The following SLA variants were observed in gnomAD, a reference collection of about 807,000 sequenced individuals.
SLA encodes Src like adaptor, also known as src-like-adapter.
SLA carries 16 observed loss-of-function variants against 30.3 expected under a neutral mutation model. That is an observed-to-expected ratio of 0.53 (90% CI 0.36 to 0.80). SLA has a LOEUF of 0.80. SLA is among the 30% of genes least tolerant of loss of function. SLA has a pLI of 0.01. For synonymous variants in SLA, 143 were observed against 137.8 expected (o/e 1.04, Z -0.26); for missense variants, 310 against 345.2 (o/e 0.90, Z 0.81).
intron 7 of SLA, among the ~76,000 whole-genome samples, chr8:133,043,753 C>A (rs974555938): frequency 4.6e-5 from 7 of 152,228 alleles, no homozygotes; most frequent in Admixed American, 4.6e-4. Context: ...GGACCCATTT[C>A]TCCTTGAAAT....
At chr8:133,039,965 A>ACG (rs1837881052) in intron 8 of SLA, 33 bp downstream of exon 8, 1 of 1,528,916 alleles carries the variant, frequency 6.5e-7, no homozygotes, top group African/African-American at 1.4e-5. Flanking sequence ...ACACACACAC[A>ACG]CACACACACA....
chr8:133,041,972 A>G (rs1339532528), intron 7 of SLA, among the ~76,000 whole-genome samples: 3 of 151,792 alleles, frequency 2.0e-5, no homozygotes, highest in Admixed American at 2.0e-4. Flanking sequence ...TATTTTTAGT[A>G]GAGATGGAGT....
At chr8:133,040,171 C>T (rs144895047) in intron 7 of SLA, 41 bp from the exon 8 acceptor site, 125 of 1,560,306 alleles carry the variant, frequency 8.0e-5, no homozygotes, top group South Asian at 3.5e-4. Flanking sequence ...ACCCTGGGGA[C>T]GCCTCAGCCA....
chr8:133,057,969 T>C (rs1416119020), intron 3 of SLA, among the ~76,000 whole-genome samples: 2 of 152,186 alleles, frequency 1.3e-5, no homozygotes, highest in African/African-American at 4.8e-5. Flanking sequence ...GCACTGAAGC[T>C]AATGTGGGAG....
At chr8:133,096,037 C>T (rs959663288) in intron 1 of SLA, among the ~76,000 whole-genome samples, 1 of 152,186 alleles carries the variant, frequency 6.6e-6, no homozygotes, top group African/African-American at 2.4e-5. Context: ...CCCTCCAGCC[C>T]CTGACTTTGT....
intron 2 of SLA, among the ~76,000 whole-genome samples, chr8:133,061,900 C>A (rs957935867): frequency 6.6e-6 from 1 of 152,134 alleles, no homozygotes; most frequent in African/African-American, 2.4e-5. Context: ...AGGTGAGACT[C>A]CTACTATATT....
intron 1 of SLA, chr8:133,095,088 G>A: frequency 6.2e-7 from 1 of 1,614,140 alleles, no homozygotes. Context: ...GCCATGAGAG[G>A]GCTCAGCAGC....
chr8:133,056,994 GGAT>G, intron 3 of SLA, among the ~76,000 whole-genome samples: 1 of 152,182 alleles, frequency 6.6e-6, no homozygotes, highest in Non-Finnish European at 1.5e-5. Flanking sequence ...ACTTCCCAGG[GGAT>G]TCTGATGCAG....
chr8:133,051,748 T>C (rs1840451649), intron 3 of SLA, among the ~76,000 whole-genome samples: 2 of 152,328 alleles, frequency 1.3e-5, no homozygotes, highest in South Asian at 4.1e-4. Context: ...TTCAGATGCA[T>C]TAGATGCAGG....
At chr8:133,078,405 T>A (rs1165411850) in intron 1 of SLA, among the ~76,000 whole-genome samples, 1 of 152,090 alleles carries the variant, frequency 6.6e-6, no homozygotes, top group African/African-American at 2.4e-5. Context: ...GTATTGTGAG[T>A]TCGCTTCCAT....
At chr8:133,058,360 C>T (rs1444503071) in intron 3 of SLA, among the ~76,000 whole-genome samples, 1 of 152,200 alleles carries the variant, frequency 6.6e-6, no homozygotes, top group Non-Finnish European at 1.5e-5. Context: ...AGACCCCTCT[C>T]TCTATGTCTG....
chr8:133,096,483 G>A, intron 1 of SLA: 1 of 1,312,354 alleles, frequency 7.6e-7, no homozygotes, highest in East Asian at 2.3e-5. Flanking sequence ...AGTAACTACT[G>A]TGTGCAATGC....
chr8:133,063,143 A>C (rs1285684226), intron 2 of SLA, among the ~76,000 whole-genome samples: 1 of 151,174 alleles, frequency 6.6e-6, no homozygotes, highest in Non-Finnish European at 1.5e-5. Context: ...CAGACACAGC[A>C]AACTGTCCCA....
chr8:133,049,732 A>C, intron 5 of SLA, 170 bp downstream of exon 5: 1 of 613,380 alleles, frequency 1.6e-6, no homozygotes, highest in Non-Finnish European at 2.9e-6. Context: ...CAGAAGAGAT[A>C]AGTTAGCCCA....
Position 133,038,533 on chromosome 8 carries a change from A to C in SLA, c.822T>G (p.Phe274Leu). 6.2e-7 allele frequency: 1 copy of C among 1,611,310 alleles called. No individual in the cohort carries two copies. Among genetic ancestry groups the C allele is most frequent in the South Asian group, 1.1e-5 (1 of 91,054 alleles). ...KSSFFSSPPY[F>L]ED ...TTGTGTCTGTTCTTGGCTAGTCCTC[A>C]AAGTAAGGTGGTGATGAGAAGAATG... Residue 274 changes from phenylalanine to leucine, a missense_variant, in exon 9 of 9, where the codon TTT becomes TTG. Phe to Leu is a conservative substitution (Grantham distance 22, BLOSUM62 0). Transcript: ENST00000338087.
At chr8:133,069,510 T>C (rs961852169) in intron 2 of SLA, among the ~76,000 whole-genome samples, 1 of 151,312 alleles carries the variant, frequency 6.6e-6, no homozygotes, top group South Asian at 2.1e-4. Context: ...TTAGCTCCTG[T>C]TCCCTCCTTA....
chr8:133,062,943 T>A (rs1048939754), intron 2 of SLA, among the ~76,000 whole-genome samples: 1 of 152,234 alleles, frequency 6.6e-6, no homozygotes, highest in Non-Finnish European at 1.5e-5. Flanking sequence ...GCACAGGCTG[T>A]CCTGCACATG....
chr8:133,097,313 CTCCAGTT>C (rs1848573901), intron 1 of SLA, among the ~76,000 whole-genome samples: 1 of 152,158 alleles, frequency 6.6e-6, no homozygotes, highest in African/African-American at 2.4e-5. Flanking sequence ...GCAATAAAAG[CTCCAGTT>C]TTACATGATA....
intron 2 of SLA, among the ~76,000 whole-genome samples, chr8:133,074,309 C>T (rs1172715564): frequency 6.6e-6 from 1 of 152,132 alleles, no homozygotes; most frequent in African/African-American, 2.4e-5. Flanking sequence ...TATTGCAATC[C>T]CTCAACCCAC....
Sources: gnomAD v4.1 joint callset for allele counts (sites outside exome capture counted in the v4.1 genomes callset) on GRCh38, gnomAD v4.1.1 for gene constraint, MANE v1.5 for transcripts, NCBI Gene and HGNC (gene_info 2026-07-23, HGNC 2026-07-21) for gene names.